Variants in FGFR2 observed in about 807,000 individuals in gnomAD.
The protein encoded by FGFR2 is fibroblast growth factor receptor 2.
In FGFR2, 19 loss-of-function variants were observed where a neutral mutation model predicts 95.9. The observed-to-expected ratio is 0.20, with a 90% confidence interval of 0.14 to 0.29. The LOEUF is 0.29. Among genes scored for constraint, FGFR2 ranks in the 10% least tolerant of loss-of-function variants. FGFR2 has a pLI of 1.00. For missense variants in FGFR2, 707 were observed against 1,056.9 expected (o/e 0.67, Z 4.59); for synonymous variants, 392 against 393.3 (o/e 1.00, Z 0.04).
At chr10:121,558,452 A>G (rs939990880) in intron 4 of FGFR2, among the ~76,000 whole-genome samples, 15 of 152,238 alleles carry the variant, frequency 9.9e-5, no homozygotes, top group African/African-American at 3.6e-4. Flanking sequence ...TAGTGCTGGT[A>G]CCATGTGAGG....
At chr10:121,480,151 A>G in intron 17 of FGFR2, 130 bp from the exon 18 acceptor site, 1 of 1,037,686 alleles carries the variant, frequency 9.6e-7, no homozygotes. Flanking sequence ...TTTCAAACAC[A>G]AACTCTTGAG....
chr10:121,545,087 G>A (rs1232986295), intron 5 of FGFR2, among the ~76,000 whole-genome samples: 4 of 152,170 alleles, frequency 2.6e-5, no homozygotes, highest in Non-Finnish European at 5.9e-5. Context: ...AGACTGCACT[G>A]AGCCATGTTC....
intron 6 of FGFR2, among the ~76,000 whole-genome samples, chr10:121,524,860 C>A (rs2134390702): frequency 6.6e-6 from 1 of 152,282 alleles, no homozygotes; most frequent in East Asian, 1.9e-4. Flanking sequence ...GCAAACCAAA[C>A]CCCTCAAGTT....
chr10:121,527,918 G>C (rs567088828), intron 6 of FGFR2: 1 of 152,268 alleles, frequency 6.6e-6, no homozygotes, highest in Non-Finnish European at 1.5e-5. Flanking sequence ...TGCCATAGGG[G>C]TGCAACATCT....
intron 6 of FGFR2, among the ~76,000 whole-genome samples, chr10:121,525,896 T>C (rs1272951726): frequency 1.3e-5 from 2 of 152,144 alleles, no homozygotes; most frequent in East Asian, 3.9e-4. Flanking sequence ...TATAAATTAA[T>C]CAAGCACAGA....
chr10:121,521,648 G>GA (rs60666604), intron 6 of FGFR2, among the ~76,000 whole-genome samples: 2 of 145,944 alleles, frequency 1.4e-5, no homozygotes, highest in African/African-American at 5.1e-5. Context: ...AGGATGGGAA[G>GA]AAAAAAAAAA....
chr10:121,482,246 A>C, intron 17 of FGFR2: 1 of 1,480,120 alleles, frequency 6.8e-7, no homozygotes, highest in Non-Finnish European at 9.4e-7. Context: ...TACTAGAAAC[A>C]ACAATTTTGG....
chr10:121,493,229 G>A (rs1353768503), intron 13 of FGFR2, among the ~76,000 whole-genome samples: 3 of 152,140 alleles, frequency 2.0e-5, no homozygotes, highest in Admixed American at 6.6e-5. Flanking sequence ...TCTCCCGGAG[G>A]GGTCAGTAAT....
chr10:121,521,828 C>G (rs145559413), intron 6 of FGFR2, among the ~76,000 whole-genome samples: 231 of 152,310 alleles, frequency 1.5e-3, no homozygotes, highest in Non-Finnish European at 2.5e-3. Flanking sequence ...TCTAAAAGAA[C>G]TGCAATCAGG....
At chr10:121,505,488 A>G (rs1159557743) in intron 9 of FGFR2, among the ~76,000 whole-genome samples, 1 of 152,222 alleles carries the variant, frequency 6.6e-6, no homozygotes, top group Non-Finnish European at 1.5e-5. Flanking sequence ...AAATGTTTTA[A>G]AAGCGGGAAC....
At chr10:121,595,931 T>C (rs1417972519) in intron 1 of FGFR2, among the ~76,000 whole-genome samples, 1 of 152,070 alleles carries the variant, frequency 6.6e-6, no homozygotes, top group Non-Finnish European at 1.5e-5. Context: ...TCCCCAAAAC[T>C]CTGGAAGGCG....
chr10:121,575,320 C>A (rs868542683), intron 2 of FGFR2, among the ~76,000 whole-genome samples: 2 of 152,202 alleles, frequency 1.3e-5, no homozygotes, highest in South Asian at 2.1e-4. Flanking sequence ...AGTGGAAATC[C>A]GCACTCCCTG....
chr10:121,505,863 T>C (rs1848196275), intron 9 of FGFR2, among the ~76,000 whole-genome samples: 1 of 152,144 alleles, frequency 6.6e-6, no homozygotes, highest in South Asian at 2.1e-4. Flanking sequence ...TAACGGCCAA[T>C]GATGCTTCCC....
intron 2 of FGFR2, 49 bp from the exon 3 acceptor site, chr10:121,565,753 G>A (rs2135127124): frequency 1.2e-6 from 2 of 1,611,652 alleles, no homozygotes. Context: ...GAAGGAGGGA[G>A]AGGAGAGAAC....
At chr10:121,513,784 A>T (rs970408304) in intron 9 of FGFR2, among the ~76,000 whole-genome samples, 3 of 152,148 alleles carry the variant, frequency 2.0e-5, no homozygotes, top group Non-Finnish European at 2.9e-5. Context: ...CGCTTGACAC[A>T]CACTTTAAAT....
At chr10:121,482,969 G>T (rs1844948971) in intron 17 of FGFR2, among the ~76,000 whole-genome samples, 1 of 152,074 alleles carries the variant, frequency 6.6e-6, no homozygotes, top group Non-Finnish European at 1.5e-5. Context: ...ACTAATTTTT[G>T]TATTTTTAGT....
Position 121,518,199 on chromosome 10 carries a change from G to T in FGFR2, c.940-736C>A. The T allele has an allele frequency of 3.3e-6, 1 of 307,548 alleles. No individual in the cohort carries two copies. The highest frequency in any genetic ancestry group is 6.3e-6 in the Non-Finnish European group (1 of 158,996). The allele number at this position is 307,548 out of a possible 1,614,324, so 19.1% of individuals were successfully genotyped here. On this transcript the variant is annotated intron_variant, in intron 7 of 17. Transcript: ENST00000358487. The surrounding 1 kb of genome is among the most constrained non-coding windows in gnomAD (Gnocchi z 4.0). The stretch of plus-strand genomic sequence containing the variant: ...CTCCCCTCAAATTTGGTGCAACAAG[G>T]TCAAGAACAGCAACTCATAAGGATC...
intron 6 of FGFR2, among the ~76,000 whole-genome samples, chr10:121,536,699 A>G (rs367611347): frequency 2.6e-5 from 4 of 152,332 alleles, no homozygotes; most frequent in South Asian, 2.1e-4. Flanking sequence ...AATGTTTTAC[A>G]TAACAACTCA....
At chr10:121,489,197 C>T (rs372167163) in intron 13 of FGFR2, among the ~76,000 whole-genome samples, 6 of 152,020 alleles carry the variant, frequency 3.9e-5, no homozygotes, top group African/African-American at 1.2e-4. Flanking sequence ...CTCAGCCTCC[C>T]GAGTAGCTGA....
Sources: allele counts gnomAD v4.1 joint callset (sites outside exome capture counted in the v4.1 genomes callset), GRCh38; gene constraint gnomAD v4.1.1; non-coding constraint Gnocchi (gnomAD v3.1); transcripts MANE v1.5; gene names NCBI Gene and HGNC (gene_info 2026-07-23, HGNC 2026-07-21).